OR2T6: variants seen among roughly 807,000 people sequenced by gnomAD.
OR2T6 encodes olfactory receptor 2T6.
For missense variants in OR2T6, 424 were observed against 391.6 expected (o/e 1.08, Z -0.70); for synonymous variants, 174 against 148.0 (o/e 1.18, Z -1.27).
intron 1 of OR2T6, among the ~76,000 whole-genome samples, chr1:248,377,801 G>A (rs946012146): frequency 5.3e-5 from 8 of 152,154 alleles, no homozygotes; most frequent in Admixed American, 1.3e-4. Flanking sequence ...GCTCTACCTT[G>A]AGCTTCATTT....
chr1:248,384,182 A>G lies in OR2T6; in HGVS notation c.-158-529A>G, dbSNP rs1357370706. 2.0e-4 allele frequency among the ~76,000 whole-genome samples: 12 copies of G among 60,102 alleles called. No homozygotes were observed. In the South Asian group the frequency reaches 2.4e-3, roughly 12 times the overall value. The allele number at this position is 60,102 out of a possible 152,430, so 39.4% of individuals were successfully genotyped here. A position where few individuals can be genotyped will look rare whatever the true frequency, so the allele number is the denominator to read the frequency against. The stretch of plus-strand genomic sequence containing the variant: ...GCCTGAGTGTGCTCATCCTATCCTG[A>G]AGTGTTTCCTAGTGTTATCATCATG... On this transcript the variant is annotated intron_variant, in intron 1 of 2. Coordinates refer to ENST00000641644, the MANE Select transcript of OR2T6 (RefSeq NM_001005471.2).
chr1:248,388,564 T>G lies in OR2T6; in HGVS notation c.*29T>G, dbSNP rs1260417757. The G allele has an allele frequency of 6.6e-7, 1 of 1,509,454 alleles. No individual in the cohort carries two copies. The highest frequency in any genetic ancestry group is 1.4e-5 in the African/African-American group (1 of 71,760). The allele number at this position is 1,509,454 out of a possible 1,614,324, so 93.5% of individuals were successfully genotyped here. A position where few individuals can be genotyped will look rare whatever the true frequency, so the allele number is the denominator to read the frequency against. On this transcript the variant is annotated 3_prime_UTR_variant, in exon 3 of 3. Transcript: ENST00000641644. ...ACATGTGGTGTGATGAGGAAAGAAT[T>G]CTGATGGTCTAAAACCTCCACATCC... is the stretch of plus-strand genomic sequence containing the variant.
intron 1 of OR2T6, 75 bp downstream of exon 1, chr1:248,376,129 T>A (rs571130975): frequency 6.6e-6 from 1 of 152,184 alleles, no homozygotes; most frequent in Non-Finnish European, 1.5e-5. Flanking sequence ...ATAATGTGTG[T>A]GAGTAGGAGA....
intron 1 of OR2T6, among the ~76,000 whole-genome samples, chr1:248,379,907 C>CCCT (rs1184652267): frequency 6.6e-6 from 1 of 152,082 alleles, no homozygotes; most frequent in East Asian, 1.9e-4. Flanking sequence ...GGTACATGTG[C>CCCT]ACAACGTGCA....
intron 2 of OR2T6, among the ~76,000 whole-genome samples, chr1:248,386,892 CTTTTGAT>C (rs750642363): frequency 5.3e-5 from 8 of 152,206 alleles, no homozygotes; most frequent in Non-Finnish European, 1.2e-4. Flanking sequence ...ATGGTTCCCA[CTTTTGAT>C]TTACTGTGCT....
chr1:248,384,858 T>G lies in OR2T6; in HGVS notation c.-11T>G, dbSNP rs1251658472. 6.6e-6 allele frequency: 1 copy of G among 152,198 alleles called. No homozygotes were observed. Among genetic ancestry groups the G allele is most frequent in the Non-Finnish European group, 1.5e-5 (1 of 68,036 alleles). The allele number at this position is 152,198 out of a possible 1,614,324, so 9.4% of individuals were successfully genotyped here. ...ACCACCTGATCCACTCAGCCTCTTCTAAACCGGTAAGCAAAACTGTGCAGT... is the reference window on the plus strand; with the variant it reads ...ACCACCTGATCCACTCAGCCTCTTCGAAACCGGTAAGCAAAACTGTGCAGT... On this transcript the variant is annotated 5_prime_UTR_variant, in exon 2 of 3. Coordinates refer to ENST00000641644, the MANE Select transcript of OR2T6 (RefSeq NM_001005471.2).
At chr1:248,379,523 G>C (rs746839928) in intron 1 of OR2T6, among the ~76,000 whole-genome samples, 21 of 152,216 alleles carry the variant, frequency 1.4e-4, no homozygotes, top group South Asian at 6.2e-4. Flanking sequence ...ATCTTTGAAG[G>C]GGGATAGAAT....
intron 1 of OR2T6, among the ~76,000 whole-genome samples, chr1:248,382,550 TTAGATGGAGACTTGC>T (rs1294144589): frequency 6.7e-6 from 1 of 150,300 alleles, no homozygotes; most frequent in Non-Finnish European, 1.5e-5. Context: ...TTTTTTTTTT[TTAGATGGAGACTTGC>T]TTTGTTGCCC....
rs1661106732 is a variant in OR2T6 at position 248,384,802 on chromosome 1, C to G, written c.-67C>G. 1 of 148,964 alleles carries G rather than the reference C, an allele frequency of 6.7e-6. No individual in the cohort carries two copies. The highest frequency in any genetic ancestry group is 1.5e-5 in the Non-Finnish European group (1 of 68,060). 9.2% of individuals were successfully genotyped at this position (148,964 alleles called of 1,614,324 possible). On this transcript the variant is annotated 5_prime_UTR_variant, in exon 2 of 3. Coordinates refer to ENST00000641644, the MANE Select transcript of OR2T6 (RefSeq NM_001005471.2). ...ATCTGCATTTTGGGTGGACAGTGGA[C>G]AGAATAAATCTTCAGCCCGTTTTTC...
At chr1:248,377,092 T>A (rs762705897) in intron 1 of OR2T6, among the ~76,000 whole-genome samples, 2 of 152,192 alleles carry the variant, frequency 1.3e-5, no homozygotes, top group Non-Finnish European at 2.9e-5. Context: ...TGATGGTTGG[T>A]TGGTCAGATG....
intron 1 of OR2T6, among the ~76,000 whole-genome samples, 173 bp downstream of exon 1, chr1:248,376,227 C>T (rs1424758948): frequency 6.6e-6 from 1 of 152,074 alleles, no homozygotes; most frequent in South Asian, 2.1e-4. Context: ...TTCTAAGTTA[C>T]AGGGAATTAG....
intron 2 of OR2T6, among the ~76,000 whole-genome samples, 176 bp from the exon 3 acceptor site, chr1:248,387,428 CA>C (rs1019465363): frequency 1.3e-5 from 2 of 152,026 alleles, no homozygotes; most frequent in African/African-American, 4.8e-5. Flanking sequence ...TATTCTTCAT[CA>C]AAAAGAAATA....
chr1:248,383,243 T>C, intron 1 of OR2T6, among the ~76,000 whole-genome samples: 1 of 114,832 alleles, frequency 8.7e-6, no homozygotes. Context: ...TGTATCCTAG[T>C]GTTATCATCA....
rs1349325873 is a variant in OR2T6 at position 248,387,787 on chromosome 1, A to C, written c.179A>C (p.Tyr60Ser). 6.2e-7 allele frequency: 1 copy of C among 1,611,630 alleles called. No individual in the cohort carries two copies. The highest frequency in any genetic ancestry group is 8.5e-7 in the Non-Finnish European group (1 of 1,178,066). Residue 60 changes from tyrosine (Y) to serine (S), a missense_variant, in exon 3 of 3, where the codon TAC (tyrosine) becomes TCC (serine). Coordinates refer to ENST00000641644, the MANE Select transcript of OR2T6 (RefSeq NM_001005471.2). ...GACCCTCATCTCCACACCCCCATGT[A>C]CTTCCTCCTCAGCCACCTCTCCGTC... The part of the protein sequence containing the change: ...NIDPHLHTPM[Y>S]FLLSHLSVID...
chr1:248,382,228 T>C (rs1236077732), intron 1 of OR2T6, among the ~76,000 whole-genome samples: 1 of 152,236 alleles, frequency 6.6e-6, no homozygotes, highest in African/African-American at 2.4e-5. Context: ...ACACCTGTGG[T>C]CAGTGTGAAT....
intron 1 of OR2T6, 79 bp from the exon 2 acceptor site, chr1:248,384,632 A>G (rs151095223): frequency 9.6e-6 from 1 of 104,264 alleles, no homozygotes; most frequent in Non-Finnish European, 2.3e-5. Context: ...GCACTGCACT[A>G]GCCTGAGTGT....
At chr1:248,386,927 G>A (rs1661144532) in intron 2 of OR2T6, among the ~76,000 whole-genome samples, 1 of 152,168 alleles carries the variant, frequency 6.6e-6, no homozygotes, top group African/African-American at 2.4e-5. Context: ...TAACTAGAAT[G>A]TAAGTCACAT....
intron 1 of OR2T6, among the ~76,000 whole-genome samples, chr1:248,382,411 CAA>C (rs764597670): frequency 2.0e-5 from 3 of 152,080 alleles, no homozygotes; most frequent in Non-Finnish European, 2.9e-5. Flanking sequence ...GTTCCTTTCC[CAA>C]GTTTTCCTTT....
chr1:248,377,532 T>C (rs1322325484), intron 1 of OR2T6, among the ~76,000 whole-genome samples: 3 of 152,162 alleles, frequency 2.0e-5, no homozygotes, highest in Non-Finnish European at 4.4e-5. Flanking sequence ...AAGAGAGTTG[T>C]AGAAACAAGT....
Sources: allele counts gnomAD v4.1 joint callset (sites outside exome capture counted in the v4.1 genomes callset), GRCh38; gene constraint gnomAD v4.1.1; transcripts MANE v1.5; gene names NCBI Gene and HGNC (gene_info 2026-07-23, HGNC 2026-07-21).